The following KCNB2 variants were observed in gnomAD, a reference collection of about 807,000 sequenced individuals.
KCNB2 encodes the protein potassium voltage-gated channel subfamily B member 2.
Under a neutral mutation model 61.5 loss-of-function variants are expected in KCNB2, and 15 were observed. That is an observed-to-expected ratio of 0.24 (90% CI 0.16 to 0.38). The LOEUF (loss-of-function observed/expected upper bound fraction) is 0.38, where lower values mean the gene tolerates loss of function less well. Ranked by LOEUF, KCNB2 falls within the 10% of genes least tolerant of loss-of-function variation. The pLI is 1.00. For synonymous variants in KCNB2, 457 were observed against 446.0 expected, an observed-to-expected ratio of 1.02 and a Z score of -0.31; for missense variants, 828 against 1,125.2, an observed-to-expected ratio of 0.74 and a Z score of 3.78.
intron 2 of KCNB2, among the ~76,000 whole-genome samples, chr8:72,667,516 C>T (rs1014648558): frequency 3.3e-5 from 5 of 152,172 alleles, no homozygotes; most frequent in African/African-American, 7.2e-5. Flanking sequence ...AATAACACCA[C>T]CATCTGCTCA....
intron 2 of KCNB2, among the ~76,000 whole-genome samples, chr8:72,709,372 A>C (rs1807287511): frequency 6.6e-6 from 1 of 152,070 alleles, no homozygotes; most frequent in African/African-American, 2.4e-5. Flanking sequence ...CCATTTTTGC[A>C]TCACTATAAA....
chr8:72,583,054 A>T (rs554024027), intron 2 of KCNB2, among the ~76,000 whole-genome samples: 31 of 152,232 alleles, frequency 2.0e-4, no homozygotes, highest in Middle Eastern at 3.4e-3. Flanking sequence ...AAAAAAAAAA[A>T]TTTTTGGAAA....
At chr8:72,789,398 G>A (rs988061972) in intron 2 of KCNB2, among the ~76,000 whole-genome samples, 1 of 152,156 alleles carries the variant, frequency 6.6e-6, no homozygotes, top group Non-Finnish European at 1.5e-5. Flanking sequence ...AGTCTCCACT[G>A]TCTCCCTGCT....
chr8:72,761,428 T>C (rs1319329555), intron 2 of KCNB2, among the ~76,000 whole-genome samples: 1 of 152,154 alleles, frequency 6.6e-6, no homozygotes, highest in African/African-American at 2.4e-5. Context: ...CTAAGGAGAT[T>C]TGGGGAAAAA....
chr8:72,623,633 C>A (rs1805744255), intron 2 of KCNB2, among the ~76,000 whole-genome samples: 1 of 152,162 alleles, frequency 6.6e-6, no homozygotes, highest in Non-Finnish European at 1.5e-5. Context: ...TTAGAGGAAC[C>A]AGGCTCCCAG....
At chr8:72,654,291 A>G (rs1184845421) in intron 2 of KCNB2, among the ~76,000 whole-genome samples, 1 of 152,210 alleles carries the variant, frequency 6.6e-6, no homozygotes, top group African/African-American at 2.4e-5. Flanking sequence ...TTTTCTATGA[A>G]TAAGTGTATA....
chr8:72,845,921 C>G (rs1809983001), intron 2 of KCNB2, among the ~76,000 whole-genome samples: 1 of 151,368 alleles, frequency 6.6e-6, no homozygotes, highest in African/African-American at 2.4e-5. Flanking sequence ...GGTTCGCTGG[C>G]TTCAGCCACC....
chr8:72,769,306 C>T (rs1808520983), intron 2 of KCNB2, among the ~76,000 whole-genome samples: 1 of 151,826 alleles, frequency 6.6e-6, no homozygotes, highest in Non-Finnish European at 1.5e-5. Flanking sequence ...GTTTAAGAGC[C>T]TAATTCAGCC....
chr8:72,578,856 G>T (rs917652832), intron 2 of KCNB2, among the ~76,000 whole-genome samples: 1 of 152,138 alleles, frequency 6.6e-6, no homozygotes. Context: ...TTTCTCCCCC[G>T]TTGCACTTTG....
intron 2 of KCNB2, among the ~76,000 whole-genome samples, chr8:72,675,599 G>A (rs947246588): frequency 6.6e-6 from 1 of 151,334 alleles, no homozygotes; most frequent in African/African-American, 2.4e-5. Context: ...TGCAACCTCC[G>A]CTTCCTGGGT....
intron 2 of KCNB2, among the ~76,000 whole-genome samples, chr8:72,921,206 T>C (rs527981556): frequency 6.6e-6 from 1 of 152,290 alleles, no homozygotes; most frequent in East Asian, 1.9e-4. Flanking sequence ...AGTATACACA[T>C]GCAAACATCA....
rs1806955849 is a variant in KCNB2 at position 72,937,763 on chromosome 8, G to A, written c.2408G>A (p.Ser803Asn). The change falls in exon 3 of 3, where the codon AGC becomes AAC. Residue 803 changes from serine (S) to asparagine (N), a missense_variant. Around this residue, in one of 4 missense-constraint regions of KCNB2, gnomAD observed 559 missense variants for 588.4 expected, o/e 0.95. Transcript: ENST00000523207. ...CCTTTCTCTTCAAGAGAGAGGAGGA[G>A]CTTCACTGAAATAGATACTGGTGAC... ...LFPFSSRERRSFTEIDTGDDE... is the reference protein window; with the variant it reads ...LFPFSSRERRNFTEIDTGDDE... 2 of 1,613,970 alleles carry A rather than the reference G, an allele frequency of 1.2e-6. No homozygotes were observed. The highest frequency in any genetic ancestry group is 1.7e-6 in the Non-Finnish European group (2 of 1,180,012).
rs962444847 is a variant in KCNB2 at position 72,619,176 on chromosome 8, T to G, written c.579+50863T>G. The stretch of plus-strand genomic sequence containing the variant: ...GATTTCTTCAGTTTGGGATTTTGTT[T>G]GAAAGATCAGATGTCGAATTATTCA... On this transcript the variant is annotated intron_variant, in intron 2 of 2. Transcript: ENST00000523207. The G allele has an allele frequency of 4.5e-5, 17 of 381,022 alleles. No individual in the cohort carries two copies. In the Admixed American group the frequency reaches 5.6e-4, roughly 12 times the overall value. The allele number at this position is 381,022 out of a possible 1,614,324, so 23.6% of individuals were successfully genotyped here. A position where few individuals can be genotyped will look rare whatever the true frequency, so the allele number is the denominator to read the frequency against.
intron 2 of KCNB2, among the ~76,000 whole-genome samples, chr8:72,713,219 G>A (rs1418554335): frequency 1.3e-5 from 2 of 152,224 alleles, no homozygotes; most frequent in African/African-American, 4.8e-5. Context: ...GCCTCTGTAG[G>A]CTCCACCTCT....
chr8:72,871,387 T>C (rs1805612588), intron 2 of KCNB2, among the ~76,000 whole-genome samples: 1 of 152,216 alleles, frequency 6.6e-6, no homozygotes, highest in South Asian at 2.1e-4. Flanking sequence ...TTGGTATACT[T>C]CATTGTGAAA....
At chr8:72,666,364 A>G (rs1379951757) in intron 2 of KCNB2, among the ~76,000 whole-genome samples, 1 of 152,164 alleles carries the variant, frequency 6.6e-6, no homozygotes, top group Non-Finnish European at 1.5e-5. Flanking sequence ...TTTATTTTAT[A>G]TATCTCCCAC....
At chr8:72,747,046 G>A (rs1380990053) in intron 2 of KCNB2, among the ~76,000 whole-genome samples, 1 of 152,006 alleles carries the variant, frequency 6.6e-6, no homozygotes, top group Non-Finnish European at 1.5e-5. Flanking sequence ...AAAGACAACC[G>A]ACATGGAAAT....
chr8:72,823,967 C>T (rs1485288485), intron 2 of KCNB2, among the ~76,000 whole-genome samples: 1 of 152,158 alleles, frequency 6.6e-6, no homozygotes, highest in Non-Finnish European at 1.5e-5. Context: ...ACCCAACAAG[C>T]ATGGGAGGTG....
chr8:72,845,276 C>T (rs1429928540), intron 2 of KCNB2, among the ~76,000 whole-genome samples: 1 of 152,226 alleles, frequency 6.6e-6, no homozygotes, highest in African/African-American at 2.4e-5. Context: ...GGCTGCAGAA[C>T]AGCAAAGATT....
Sources: allele counts gnomAD v4.1 joint callset (sites outside exome capture counted in the v4.1 genomes callset), GRCh38; gene constraint gnomAD v4.1.1; regional missense constraint gnomAD v4.1.1; transcripts MANE v1.5; gene names NCBI Gene and HGNC (gene_info 2026-07-23, HGNC 2026-07-21).